Variants in SLC4A11 observed in about 807,000 individuals in gnomAD.
The protein encoded by SLC4A11 is solute carrier family 4 member 11.
A neutral mutation model predicts 95.0 loss-of-function variants in SLC4A11; 74 were observed. The ratio of observed to expected loss-of-function variants is 0.78; its 90% CI spans 0.65 to 0.95. The LOEUF (loss-of-function observed/expected upper bound fraction) is 0.95. Ranked by LOEUF, SLC4A11 falls within the 40% of genes least tolerant of loss-of-function variation. SLC4A11 has a pLI of 0.00. For synonymous variants in SLC4A11, 548 were observed against 519.0 expected, an observed-to-expected ratio of 1.06 and a Z score of -0.76; for missense variants, 1,081 against 1,192.4, an observed-to-expected ratio of 0.91 and a Z score of 1.38.
chr20:3,235,420 G>A (rs1231521782), intron 2 of SLC4A11, among the ~76,000 whole-genome samples: 1 of 152,028 alleles, frequency 6.6e-6, no homozygotes, highest in Non-Finnish European at 1.5e-5. Context: ...GAGAAGCATC[G>A]AGGCTGAGAG....
intron 12 of SLC4A11, 127 bp downstream of exon 12, chr20:3,230,388 C>T: frequency 6.3e-7 from 1 of 1,580,770 alleles, no homozygotes. Context: ...CCAGGCCTTG[C>T]CTGAGCCCAC....
In SLC4A11 at chr20:3,234,551, C is replaced by T. The variant is rs1158608203; in HGVS notation, c.291+17G>A. ...CAGGTAGAGGCCCCAGGACCACCTG[C>T]AGGACAGGCCATTCACCTTTCGGGA... On this transcript the variant is annotated intron_variant, in intron 4 of 19. Transcript: ENST00000642402. The surrounding 1 kb of genome is among the most constrained non-coding windows in gnomAD (Gnocchi z 5.8). 6.2e-7 allele frequency: 1 copy of T among 1,613,766 alleles called. No individual in the cohort carries two copies. The highest frequency in any genetic ancestry group is 8.5e-7 in the Non-Finnish European group (1 of 1,180,014).
intron 1 of SLC4A11, chr20:3,238,290 T>G: frequency 8.2e-7 from 1 of 1,224,028 alleles, no homozygotes. Context: ...TGTTTGTGCC[T>G]CGCTGTCGGA....
intron 1 of SLC4A11, chr20:3,238,794 T>G (rs2068069683): frequency 8.7e-7 from 1 of 1,144,790 alleles, no homozygotes; most frequent in South Asian, 4.2e-5. Flanking sequence ...AGCTCCGCCC[T>G]GCCCACTTTC....
At position 3,227,876 on chromosome 20, in the gene SLC4A11, G is replaced by A. The variant is rs1360266791; in HGVS notation, c.2559-20C>T. 1.6e-5 allele frequency: 25 copies of A among 1,610,708 alleles called. No homozygotes were observed. Among genetic ancestry groups the A allele is most frequent in the Non-Finnish European group, 2.1e-5 (25 of 1,178,792 alleles). Reference sequence around the variant, plus strand: ...ATATAGCTGTGGGGAGGGAGGGACAGGAGGATGAGCCTGGGTCAGAGAGAA... The same window carrying A: ...ATATAGCTGTGGGGAGGGAGGGACAAGAGGATGAGCCTGGGTCAGAGAGAA... On this transcript the variant is annotated intron_variant, in intron 19 of 19. Transcript: ENST00000642402.
In SLC4A11 at chr20:3,239,163, G is replaced by A. The variant is rs1357785410; in HGVS notation, c.-26C>T. On this transcript the variant is annotated 5_prime_UTR_variant, in exon 1 of 20. Coordinates refer to ENST00000642402, the MANE Select transcript of SLC4A11 (RefSeq NM_001174089.2). ...GGCACACTCGCGCACTCACGGCCGG[G>A]CTCCTCACGCGGCGCTCCGGCGCTT... 9.0e-6 allele frequency: 13 copies of A among 1,444,502 alleles called. No individual in the cohort carries two copies. In the East Asian group the frequency reaches 3.7e-4, roughly 41 times the overall value. 89.5% of individuals were successfully genotyped at this position (1,444,502 alleles called of 1,614,324 possible). A position where few individuals can be genotyped will look rare whatever the true frequency, so the allele number is the denominator to read the frequency against.
At chr20:3,233,804 G>T in intron 6 of SLC4A11, 117 bp downstream of exon 6, 4 of 1,513,658 alleles carry the variant, frequency 2.6e-6, no homozygotes, top group Non-Finnish European at 3.6e-6. Flanking sequence ...TCCCAAGTTG[G>T]TTGGGCCGCC....
At chr20:3,239,482 G>T, upstream of SLC4A11, 1 of 1,013,336 alleles carries the variant, frequency 9.9e-7, no homozygotes, top group Non-Finnish European at 1.2e-6. Flanking sequence ...TTTAGGGGCT[G>T]GACGGGGCCG....
At chr20:3,232,904 G>A (rs2067827962) in intron 7 of SLC4A11, among the ~76,000 whole-genome samples, 1 of 152,140 alleles carries the variant, frequency 6.6e-6, no homozygotes, top group Non-Finnish European at 1.5e-5. Flanking sequence ...CCCAGGGGCT[G>A]CCCTTCCTCT....
Position 3,230,569 on chromosome 20 carries a change from A to T in SLC4A11, c.1361T>A (p.Phe454Tyr). The change falls in exon 12 of 20, where the codon TTC becomes TAC. Residue 454 changes from phenylalanine (F) to tyrosine (Y), a missense_variant. Coordinates refer to ENST00000642402, the MANE Select transcript of SLC4A11 (RefSeq NM_001174089.2). ...YAWTGLWNSF[F>Y]LALYAFFNLS... ...GTTGAAAAAGGCATAAAGCGCAAGG[A>T]AGAAACTATTCCACAGGCCCGTCCA... 6.2e-7 allele frequency: 1 copy of T among 1,613,934 alleles called. No individual in the cohort carries two copies. Among genetic ancestry groups the T allele is most frequent in the South Asian group, 1.1e-5 (1 of 91,092 alleles).
chr20:3,228,569 G>A lies in SLC4A11; in HGVS notation c.2331C>T (p.Leu777=), dbSNP rs1568527712. 2 of 1,613,254 alleles carry A rather than the reference G, an allele frequency of 1.2e-6. No individual in the cohort carries two copies. The highest frequency in any genetic ancestry group is 1.3e-5 in the African/African-American group (1 of 75,056). Residue 777 remains leucine (L), a synonymous_variant, in exon 18 of 20, where the codon CTC becomes CTT. Coordinates refer to ENST00000642402, the MANE Select transcript of SLC4A11 (RefSeq NM_001174089.2). Reference sequence around the variant, plus strand: ...CGAGCTGGTTGCCATCGAGGGAGGTGAGCGCGATGTAGAGGAAGAGGCCAT... The same window carrying A: ...CGAGCTGGTTGCCATCGAGGGAGGTAAGCGCGATGTAGAGGAAGAGGCCAT... The part of the protein sequence containing the change: ...VLYGLFLYIA[L]TSLDGNQLVQ...
Position 3,234,788 on chromosome 20 carries a change from G to C in SLC4A11, c.195C>G (p.Ile65Met). Residue 65 changes from isoleucine to methionine, a missense_variant, in exon 3 of 20, where the codon ATC becomes ATG. By Grantham distance (10) the Ile-to-Met change is conservative (BLOSUM62 1). Transcript: ENST00000642402. The surrounding 1 kb of genome is among the most constrained non-coding windows in gnomAD (Gnocchi z 5.8). Reference protein sequence around the residue: ...ANSSIVSGESIRFFVNVNLEM... With the variant: ...ANSSIVSGESMRFFVNVNLEM... Reference sequence around the variant, plus strand: ...CAAGGTTGACATTGACAAAAAAACGGATACTCTCGCCAGACACGATGGAGG... The same window carrying C: ...CAAGGTTGACATTGACAAAAAAACGCATACTCTCGCCAGACACGATGGAGG... 1.2e-6 allele frequency: 2 copies of C among 1,613,994 alleles called. No homozygotes were observed. Among genetic ancestry groups the C allele is most frequent in the Non-Finnish European group, 1.7e-6 (2 of 1,180,016 alleles).
intron 13 of SLC4A11, 61 bp downstream of exon 13, chr20:3,230,126 T>C (rs2067704129): frequency 6.3e-7 from 1 of 1,582,032 alleles, no homozygotes; most frequent in Non-Finnish European, 8.7e-7. Context: ...CCAGGGGCAG[T>C]GCAGAACCTC....
At position 3,228,573 on chromosome 20, in the gene SLC4A11, G is replaced by A. The variant is rs1405637006; in HGVS notation, c.2327C>T (p.Ala776Val). 5 of 1,613,262 alleles carry A rather than the reference G, an allele frequency of 3.1e-6. No individual in the cohort carries two copies. The highest frequency in any genetic ancestry group is 2.2e-5 in the East Asian group (1 of 44,872). Residue 776 changes from alanine (A) to valine (V), a missense_variant, in exon 18 of 20, where the codon GCG (alanine) becomes GTG (valine). By Grantham distance (64) the Ala-to-Val change is moderately conservative. This residue lies in a region of SLC4A11 where 767 missense variants were observed against 858.0 expected (regional missense o/e 0.89). Coordinates refer to ENST00000642402, the MANE Select transcript of SLC4A11 (RefSeq NM_001174089.2). ...CTGGTTGCCATCGAGGGAGGTGAGC[G>A]CGATGTAGAGGAAGAGGCCATAGAG... is the stretch of plus-strand genomic sequence containing the variant. ...PVLYGLFLYIALTSLDGNQLV... is the reference protein window; with the variant it reads ...PVLYGLFLYIVLTSLDGNQLV...
In SLC4A11 at chr20:3,237,550, C is replaced by T. The variant is rs1391746184; in HGVS notation, c.82G>A (p.Asp28Asn). The T allele has an allele frequency of 2.5e-6, 4 of 1,614,084 alleles. No individual in the cohort carries two copies. The African/African-American group carries it at 4.0e-5, about 16-fold the overall frequency. Residue 28 changes from aspartate (D) to asparagine (N), a missense_variant, in exon 2 of 20, where the codon GAT (aspartate) becomes AAT (asparagine). Asp to Asn is a conservative substitution (Grantham distance 23, BLOSUM62 1). Around this residue, in one of 3 missense-constraint regions of SLC4A11, gnomAD observed 310 missense variants for 313.5 expected, o/e 0.99. Coordinates refer to ENST00000642402, the MANE Select transcript of SLC4A11 (RefSeq NM_001174089.2). ...PTMSQNGYFE[D>N]SSYYKCDTDD... ...CTCCCCGAGAGGTACTCACTTGAAT[C>T]CTCGAAGTATCCATTCTGCGACATG...
intron 12 of SLC4A11, 31 bp downstream of exon 12, chr20:3,230,484 G>A: frequency 6.2e-7 from 1 of 1,613,434 alleles, no homozygotes; most frequent in Admixed American, 1.7e-5. Flanking sequence ...AAGCCTTGAG[G>A]GTCCCAGCAG....
chr20:3,238,464 G>C, intron 1 of SLC4A11: 6 of 1,022,620 alleles, frequency 5.9e-6, no homozygotes, highest in Non-Finnish European at 7.0e-6. Context: ...CAGGCCGTGG[G>C]CGACGAGGGT....
chr20:3,231,840 T>C lies in SLC4A11; in HGVS notation c.730-292A>G, dbSNP rs1281973924. Among the ~76,000 whole-genome samples, 2 of 152,140 alleles carry C rather than the reference T, an allele frequency of 1.3e-5. No homozygotes were observed. Among genetic ancestry groups the C allele is most frequent in the Non-Finnish European group, 2.9e-5 (2 of 68,030 alleles). On this transcript the variant is annotated intron_variant, in intron 7 of 19. Coordinates refer to ENST00000642402, the MANE Select transcript of SLC4A11 (RefSeq NM_001174089.2). The surrounding 1 kb of genome is among the most constrained non-coding windows in gnomAD (Gnocchi z 5.2). ...GCAATTTTTAATTTTTAACTTTTTG[T>C]AGAGACGAGGTCTCACTATGTTGAC...
intron 2 of SLC4A11, among the ~76,000 whole-genome samples, chr20:3,235,309 T>TCTCTCTCA (rs1318815472): frequency 1.6e-5 from 2 of 123,540 alleles, no homozygotes; most frequent in African/African-American, 3.2e-5. Flanking sequence ...TCTCTCTCTC[T>TCTCTCTCA]CACACACACA....
Sources: gnomAD v4.1 joint callset for allele counts (sites outside exome capture counted in the v4.1 genomes callset) on GRCh38, gnomAD v4.1.1 for gene constraint, gnomAD v4.1.1 regional missense constraint, Gnocchi (gnomAD v3.1) non-coding constraint, MANE v1.5 for transcripts, NCBI Gene and HGNC (gene_info 2026-07-23, HGNC 2026-07-21) for gene names.